Variants in PTP4A1 observed in about 807,000 individuals in gnomAD.
The protein encoded by PTP4A1 is protein tyrosine phosphatase 4A1.
PTP4A1 carries 9 observed loss-of-function variants against 20.5 expected under a neutral mutation model. That is an observed-to-expected ratio of 0.44 (90% CI 0.26 to 0.77). The LOEUF is 0.77. Ranked by LOEUF, PTP4A1 falls within the 30% of genes least tolerant of loss-of-function variation. The pLI, the probability that PTP4A1 is intolerant of heterozygous loss-of-function variation, is 0.19. For missense variants in PTP4A1, 137 were observed against 218.8 expected (o/e 0.63, Z 2.36); for synonymous variants, 78 against 67.4 (o/e 1.16, Z -0.77).
intron 3 of PTP4A1, among the ~76,000 whole-genome samples, chr6:63,553,222 A>G (rs906726592): frequency 1.8e-4 from 28 of 152,330 alleles, no homozygotes; most frequent in Admixed American, 1.7e-3. Flanking sequence ...GCTTAGTTTA[A>G]CGTAATCTGT....
chr6:63,523,006 A>G (rs1775000602), intron 1 of PTP4A1, among the ~76,000 whole-genome samples: 3 of 151,930 alleles, frequency 2.0e-5, no homozygotes, highest in Admixed American at 2.0e-4. Flanking sequence ...CTGGGACTAC[A>G]GGCATGTGCC....
upstream of PTP4A1, among the ~76,000 whole-genome samples, chr6:63,518,471 G>C (rs1334784981): frequency 6.6e-6 from 1 of 152,164 alleles, no homozygotes; most frequent in South Asian, 2.1e-4. Flanking sequence ...ATCCAACAGA[G>C]GTAAAGGATA....
At chr6:63,577,292 T>A (rs867988917) in intron 2 of PTP4A1, among the ~76,000 whole-genome samples, 37 of 152,310 alleles carry the variant, frequency 2.4e-4, no homozygotes, top group Admixed American at 4.6e-4. Context: ...ATGGATTTTT[T>A]ATATATCTGC....
chr6:63,575,460 A>G (rs567570867), intron 1 of PTP4A1, among the ~76,000 whole-genome samples: 8 of 152,332 alleles, frequency 5.3e-5, no homozygotes, highest in African/African-American at 1.9e-4. Flanking sequence ...AATGTTTGAT[A>G]TTGGCATAAA....
Position 63,580,242 on chromosome 6 carries a change from C to T in PTP4A1, c.*68C>T, listed in dbSNP as rs924676907. 1.6e-6 allele frequency: 2 copies of T among 1,258,536 alleles called. No homozygotes were observed. The highest frequency in any genetic ancestry group is 3.0e-5 in the African/African-American group (2 of 67,064). The allele number at this position is 1,258,536 out of a possible 1,614,324, so 78.0% of individuals were successfully genotyped here. ...GGCCTAATTTGTTATACATATTAGC[C>T]AACATGTTGGCTTAGTAAGTCTAAT... On this transcript the variant is annotated 3_prime_UTR_variant, in exon 6 of 6. Coordinates refer to ENST00000626021, the MANE Select transcript of PTP4A1 (RefSeq NM_003463.5).
upstream of PTP4A1, chr6:63,571,593 C>T (rs894699485): frequency 5.9e-5 from 9 of 152,244 alleles, no homozygotes; most frequent in South Asian, 1.0e-3. Context: ...TTGACAAAAC[C>T]GAGGATTCTT....
At chr6:63,564,373 C>G (rs1056210249) in intron 3 of PTP4A1, among the ~76,000 whole-genome samples, 2 of 151,886 alleles carry the variant, frequency 1.3e-5, no homozygotes, top group East Asian at 3.8e-4. Flanking sequence ...TAGAAATACA[C>G]GAAGATAGCA....
chr6:63,564,081 C>T (rs1777080357), intron 3 of PTP4A1, among the ~76,000 whole-genome samples: 1 of 152,112 alleles, frequency 6.6e-6, no homozygotes, highest in Non-Finnish European at 1.5e-5. Flanking sequence ...TCGAGACCAG[C>T]CTGGCCAACA....
At chr6:63,575,475 G>A (rs1581948033) in intron 1 of PTP4A1, among the ~76,000 whole-genome samples, 2 of 152,086 alleles carry the variant, frequency 1.3e-5, no homozygotes, top group East Asian at 3.8e-4. Flanking sequence ...CATAAAAATG[G>A]TTTAGTTCTT....
intron 3 of PTP4A1, among the ~76,000 whole-genome samples, chr6:63,566,106 T>C (rs1777179914): frequency 6.6e-6 from 1 of 152,238 alleles, no homozygotes; most frequent in South Asian, 2.1e-4. Context: ...ACCTGTTTTG[T>C]CCCACTGAAC....
intron 5 of PTP4A1, among the ~76,000 whole-genome samples, chr6:63,579,850 T>G (rs1778110734): frequency 6.6e-6 from 1 of 152,154 alleles, no homozygotes; most frequent in Non-Finnish European, 1.5e-5. Flanking sequence ...TAACCAATAC[T>G]CAAACGAAGA....
intron 2 of PTP4A1, chr6:63,549,288 A>T (rs1442427247): frequency 4.0e-6 from 3 of 753,558 alleles, no homozygotes; most frequent in Non-Finnish European, 7.3e-6. Flanking sequence ...AGGCACTTTC[A>T]GCCACTTACA....
In PTP4A1 at chr6:63,581,753, C is replaced by G. The variant is rs1778246961; in HGVS notation, c.*1579C>G. On this transcript the variant is annotated 3_prime_UTR_variant, in exon 6 of 6. Coordinates refer to ENST00000626021, the MANE Select transcript of PTP4A1 (RefSeq NM_003463.5). ...CCTTGGTTTGTAAAGCTCAGTTCCACTAGTTCATGGTTTTGTGCAACTTCT... is the reference window on the plus strand; with the variant it reads ...CCTTGGTTTGTAAAGCTCAGTTCCAGTAGTTCATGGTTTTGTGCAACTTCT... The G allele has an allele frequency of 6.6e-6, 1 of 152,274 alleles. No homozygotes were observed. Among genetic ancestry groups the G allele is most frequent in the South Asian group, 2.1e-4 (1 of 4,832 alleles). 9.4% of individuals were successfully genotyped at this position (152,274 alleles called of 1,614,324 possible).
chr6:63,535,011 G>T (rs1775658005), intron 2 of PTP4A1, among the ~76,000 whole-genome samples: 1 of 151,976 alleles, frequency 6.6e-6, no homozygotes, highest in Non-Finnish European at 1.5e-5. Context: ...AGTGAGCCAA[G>T]ATCGCATCAT....
At chr6:63,524,409 A>G (rs1300112774) in intron 1 of PTP4A1, among the ~76,000 whole-genome samples, 2 of 152,236 alleles carry the variant, frequency 1.3e-5, no homozygotes, top group African/African-American at 4.8e-5. Flanking sequence ...CTGCCACAGC[A>G]GATGAATTTC....
In PTP4A1 at chr6:63,559,582, T is replaced by C. The variant is rs540832780; in HGVS notation, c.-446+9089T>C. 2.6e-4 allele frequency among the ~76,000 whole-genome samples: 40 copies of C among 151,960 alleles called. No homozygotes were observed. The Middle Eastern group carries it at 0.01, about 39-fold the overall frequency. ...CAACATGGTGAAACCCTGTCTCTAC[T>C]AAAAATACAAAAATTAGCCAGGCAT... On this transcript the variant is annotated intron_variant, in intron 3 of 3. Coordinates refer to the PTP4A1 transcript ENST00000639568.
chr6:63,531,769 GCATGAACCAC>G (rs1409419332), intron 2 of PTP4A1, among the ~76,000 whole-genome samples: 1 of 151,742 alleles, frequency 6.6e-6, no homozygotes, highest in Non-Finnish European at 1.5e-5. Flanking sequence ...GTGATTACAG[GCATGAACCAC>G]CATGTCCAGC....
intron 2 of PTP4A1, among the ~76,000 whole-genome samples, chr6:63,540,747 AT>A (rs1775927338): frequency 1.3e-5 from 2 of 151,940 alleles, no homozygotes; most frequent in African/African-American, 4.8e-5. Context: ...ACACATCAGA[AT>A]GGTTATGAGG....
intron 2 of PTP4A1, among the ~76,000 whole-genome samples, chr6:63,530,533 C>T (rs796877385): frequency 2.9e-4 from 44 of 152,198 alleles, no homozygotes; most frequent in African/African-American, 1.1e-3. Context: ...CTCCAGTGGA[C>T]GCCGTTCACA....
Sources: gnomAD v4.1 joint callset for allele counts (sites outside exome capture counted in the v4.1 genomes callset) on GRCh38, gnomAD v4.1.1 for gene constraint, MANE v1.5 for transcripts, NCBI Gene and HGNC (gene_info 2026-07-23, HGNC 2026-07-21) for gene names.